Variants in CSMD1 observed in about 807,000 individuals in gnomAD.
CSMD1 encodes the protein CUB and sushi domain-containing protein 1.
In CSMD1, 213 loss-of-function variants were observed where a neutral mutation model predicts 417.5. That is an observed-to-expected ratio of 0.51 (90% CI 0.46 to 0.57). CSMD1 has a LOEUF of 0.57. Among genes scored for constraint, CSMD1 ranks in the 20% least tolerant of loss-of-function variants. CSMD1 has a pLI of 0.00. For synonymous variants in CSMD1, 2,862 were observed against 1,736.8 expected (o/e 1.65, Z -16.11); for missense variants, 6,923 against 4,529.7 (o/e 1.53, Z -15.17).
intron 3 of CSMD1, among the ~76,000 whole-genome samples, chr8:4,194,412 T>G (rs564833595): frequency 1.3e-5 from 2 of 152,288 alleles, no homozygotes; most frequent in East Asian, 1.9e-4. Flanking sequence ...ACACTCCAAA[T>G]AGCTTGTAAA....
intron 7 of CSMD1, among the ~76,000 whole-genome samples, chr8:3,622,680 A>G (rs1796311503): frequency 6.6e-6 from 1 of 152,260 alleles, no homozygotes; most frequent in Admixed American, 6.5e-5. Context: ...TGTAAAATAC[A>G]GGCGATTTTC....
intron 3 of CSMD1, among the ~76,000 whole-genome samples, chr8:4,240,764 T>A (rs1194240326): frequency 1.3e-5 from 2 of 152,190 alleles, no homozygotes; most frequent in Non-Finnish European, 2.9e-5. Context: ...TGAATTTAAT[T>A]TTTTCTTATA....
chr8:3,994,890 C>T (rs565206976), intron 5 of CSMD1, among the ~76,000 whole-genome samples: 22 of 152,152 alleles, frequency 1.4e-4, no homozygotes, highest in South Asian at 2.1e-4. Context: ...TGCTTATATG[C>T]CCTTTTTTAA....
intron 10 of CSMD1, among the ~76,000 whole-genome samples, chr8:3,503,844 A>ACGC (rs1691459769): frequency 4.4e-5 from 5 of 113,262 alleles, no homozygotes; most frequent in African/African-American, 1.7e-4. Context: ...CCCCCCCCCA[A>ACGC]CCCCCACACT....
chr8:4,968,212 T>A (rs1172018096), intron 1 of CSMD1, among the ~76,000 whole-genome samples: 4 of 151,978 alleles, frequency 2.6e-5, no homozygotes, highest in Non-Finnish European at 5.9e-5. Context: ...TATTTTAGAA[T>A]CAGGGTTTTG....
chr8:4,977,801 T>G (rs1446786044), intron 1 of CSMD1, among the ~76,000 whole-genome samples: 1 of 152,264 alleles, frequency 6.6e-6, no homozygotes, highest in African/African-American at 2.4e-5. Context: ...TTTGGCATAC[T>G]GCAGCGCTTT....
chr8:3,998,079 C>G lies in CSMD1; in HGVS notation c.642G>C (p.Gly214=). 1 of 1,585,424 alleles carries G rather than the reference C, an allele frequency of 6.3e-7. No individual in the cohort carries two copies. Residue 214 remains glycine (G), a synonymous_variant, in exon 5 of 70, where the codon GGG becomes GGC. Transcript: ENST00000635120. ...GCGGGCTGGAGATGGAGCTGCTGGT[C>G]CCGCGTAAGGTTCCTCCGCAGGCTC... The part of the protein sequence containing the change: ...AEGACGGTLR[G]TSSSISSPHF...
At chr8:4,664,052 C>A (rs184846273) in intron 1 of CSMD1, among the ~76,000 whole-genome samples, 1 of 152,258 alleles carries the variant, frequency 6.6e-6, no homozygotes, top group East Asian at 1.9e-4. Context: ...ATGAAATCGC[C>A]TCTGTGAACT....
chr8:4,373,251 G>A (rs941922508), intron 3 of CSMD1, among the ~76,000 whole-genome samples: 14 of 152,284 alleles, frequency 9.2e-5, no homozygotes, highest in African/African-American at 3.4e-4. Flanking sequence ...AGGAGCCTAC[G>A]AAGGTATGAT....
At chr8:3,758,619 T>C (rs768549240) in intron 5 of CSMD1, among the ~76,000 whole-genome samples, 8 of 152,276 alleles carry the variant, frequency 5.3e-5, no homozygotes, top group African/African-American at 1.7e-4. Context: ...ACTGTACAAA[T>C]TAGGTGAAAT....
chr8:4,122,029 C>G (rs1802514257), intron 3 of CSMD1, among the ~76,000 whole-genome samples: 1 of 151,700 alleles, frequency 6.6e-6, no homozygotes, highest in Non-Finnish European at 1.5e-5. Flanking sequence ...AATCTATAAA[C>G]TTTATTGTAT....
intron 33 of CSMD1, among the ~76,000 whole-genome samples, chr8:3,198,285 T>C (rs17063081): frequency 6.6e-6 from 1 of 152,164 alleles, no homozygotes; most frequent in African/African-American, 2.4e-5. Flanking sequence ...TCAGTCACTT[T>C]AGTGTTTCCA....
intron 3 of CSMD1, among the ~76,000 whole-genome samples, chr8:4,272,136 T>G (rs1000779527): frequency 7.9e-5 from 12 of 152,182 alleles, no homozygotes; most frequent in Non-Finnish European, 5.9e-5. Context: ...GCTGGACACA[T>G]GGAGTCTTAC....
intron 5 of CSMD1, among the ~76,000 whole-genome samples, chr8:3,800,213 A>T (rs139723685): frequency 2.0e-5 from 3 of 152,302 alleles, no homozygotes; most frequent in African/African-American, 4.8e-5. Flanking sequence ...AACTTTCAAC[A>T]AACTTATTGA....
At chr8:3,657,766 G>T (rs1387421269) in intron 7 of CSMD1, among the ~76,000 whole-genome samples, 1 of 152,054 alleles carries the variant, frequency 6.6e-6, no homozygotes, top group African/African-American at 2.4e-5. Context: ...GATGGGCACA[G>T]CAAACCACCA....
At chr8:4,832,590 T>G (rs1800218611) in intron 1 of CSMD1, among the ~76,000 whole-genome samples, 1 of 152,186 alleles carries the variant, frequency 6.6e-6, no homozygotes, top group Non-Finnish European at 1.5e-5. Flanking sequence ...GTGGTTAAAA[T>G]TATTACTAGC....
intron 3 of CSMD1, among the ~76,000 whole-genome samples, chr8:4,342,731 C>T (rs1800551023): frequency 6.6e-6 from 1 of 152,002 alleles, no homozygotes; most frequent in South Asian, 2.1e-4. Context: ...GAACATTCCG[C>T]AGTAGACAGG....
chr8:3,308,603 G>A, intron 23 of CSMD1, 100 bp from the exon 24 acceptor site: 2 of 891,236 alleles, frequency 2.2e-6, no homozygotes, highest in Non-Finnish European at 3.4e-6. Flanking sequence ...TCCTTGAAGG[G>A]TAGGGAGAAA....
At chr8:3,917,253 C>G (rs1438952972) in intron 5 of CSMD1, among the ~76,000 whole-genome samples, 2 of 152,114 alleles carry the variant, frequency 1.3e-5, no homozygotes, top group African/African-American at 4.8e-5. Context: ...CTATGAGATG[C>G]TGTTGAATGC....
Sources: allele counts gnomAD v4.1 joint callset (sites outside exome capture counted in the v4.1 genomes callset), GRCh38; gene constraint gnomAD v4.1.1; transcripts MANE v1.5; gene names NCBI Gene and HGNC (gene_info 2026-07-23, HGNC 2026-07-21).